Variants in USP34 observed in about 807,000 individuals in gnomAD.
USP34 encodes ubiquitin carboxyl-terminal hydrolase 34.
A neutral mutation model predicts 460.3 loss-of-function variants in USP34; 70 were observed. That is an observed-to-expected ratio of 0.15 (90% CI 0.13 to 0.19). The LOEUF is 0.19. USP34 is among the 10% of genes least tolerant of loss of function. USP34 has a pLI of 1.00. For missense variants in USP34, 3,985 were observed against 4,236.2 expected (o/e 0.94, Z 1.65); for synonymous variants, 1,647 against 1,405.3 (o/e 1.17, Z -3.85).
At chr2:61,436,040 T>TA (rs1694804200) in intron 1 of USP34, among the ~76,000 whole-genome samples, 2 of 151,548 alleles carry the variant, frequency 1.3e-5, no homozygotes, top group African/African-American at 2.4e-5. Context: ...AAAATATATA[T>TA]AAAAAATAGA....
chr2:61,351,829 T>G (rs1376934594), intron 10 of USP34, among the ~76,000 whole-genome samples: 1 of 152,148 alleles, frequency 6.6e-6, no homozygotes, highest in Non-Finnish European at 1.5e-5. Flanking sequence ...TTAACACCAC[T>G]AAGTATCCAT....
intron 16 of USP34, 147 bp downstream of exon 16, chr2:61,343,668 G>A (rs1175389473): frequency 1.6e-5 from 12 of 760,844 alleles, no homozygotes; most frequent in Non-Finnish European, 2.3e-5. Flanking sequence ...ATTCCCTTGG[G>A]GGAAAAAAAA....
intron 61 of USP34, among the ~76,000 whole-genome samples, chr2:61,227,798 T>C (rs1687774139): frequency 1.3e-5 from 2 of 152,094 alleles, no homozygotes; most frequent in Admixed American, 1.3e-4. Flanking sequence ...CTTGAATAAC[T>C]TTTTTCTTAT....
At chr2:61,231,429 T>C (rs1325602257) in intron 58 of USP34, among the ~76,000 whole-genome samples, 2 of 152,120 alleles carry the variant, frequency 1.3e-5, no homozygotes, top group African/African-American at 2.4e-5. Context: ...AATTGTAACT[T>C]AGGCCAGGCT....
chr2:61,339,068 G>A (rs981242723), intron 18 of USP34, among the ~76,000 whole-genome samples: 2 of 152,126 alleles, frequency 1.3e-5, no homozygotes, highest in Non-Finnish European at 2.9e-5. Context: ...AATCACCAAG[G>A]TGTCCCCAGA....
At chr2:61,414,273 T>C (rs565819682) in intron 2 of USP34, among the ~76,000 whole-genome samples, 2 of 147,790 alleles carry the variant, frequency 1.4e-5, no homozygotes, top group African/African-American at 2.5e-5. Context: ...TAAATAACTT[T>C]AAAAAAAAAA....
chr2:61,460,613 A>G (rs1027007924), intron 1 of USP34, among the ~76,000 whole-genome samples: 48 of 150,810 alleles, frequency 3.2e-4, no homozygotes, highest in Non-Finnish European at 6.0e-4. Context: ...CTCAGAACAC[A>G]TTCCACTTGG....
intron 75 of USP34, among the ~76,000 whole-genome samples, chr2:61,198,666 C>T (rs904107282): frequency 6.6e-6 from 1 of 151,504 alleles, no homozygotes. Context: ...GTCAGGAGTT[C>T]GAGACCAGCC....
intron 58 of USP34, among the ~76,000 whole-genome samples, chr2:61,230,695 T>G (rs1347882613): frequency 6.6e-6 from 1 of 151,648 alleles, no homozygotes; most frequent in African/African-American, 2.4e-5. Context: ...ATACAAAAAA[T>G]TAGCTGGGCA....
At chr2:61,283,523 T>C (rs1689596893) in intron 35 of USP34, 74 bp from the exon 36 acceptor site, 5 of 1,506,828 alleles carry the variant, frequency 3.3e-6, no homozygotes, top group Admixed American at 4.0e-5. Flanking sequence ...TATTAACATA[T>C]ATCCTTTAAG....
Position 61,223,307 on chromosome 2 carries a change from A to T in USP34, c.7596-11T>A. 6.2e-7 allele frequency: 1 copy of T among 1,612,218 alleles called. No homozygotes were observed. The highest frequency in any genetic ancestry group is 8.5e-7 in the Non-Finnish European group (1 of 1,179,438). ...GATAATGTCAAATGCCTGAAAGAAA[A>T]TATTAGTGGAAATAAGTTTTTCTTC... On this transcript the variant is annotated splice_polypyrimidine_tract_variant and intron_variant, in intron 62 of 79. Transcript: ENST00000398571.
chr2:61,249,776 C>CCCTTT (rs1269758230), intron 48 of USP34: 5 of 155,824 alleles, frequency 3.2e-5, no homozygotes, highest in African/African-American at 9.6e-5. Context: ...GGAATGGGGG[C>CCCTTT]AGTGTTCCAG....
intron 3 of USP34, among the ~76,000 whole-genome samples, chr2:61,401,437 T>C (rs1186583076): frequency 6.6e-6 from 1 of 151,570 alleles, no homozygotes; most frequent in Non-Finnish European, 1.5e-5. Context: ...GAGCTCTTGC[T>C]ATGTTGCCCA....
chr2:61,289,930 C>T (rs945292444), intron 33 of USP34, among the ~76,000 whole-genome samples: 1 of 152,126 alleles, frequency 6.6e-6, no homozygotes, highest in Non-Finnish European at 1.5e-5. Flanking sequence ...CTAAAAGATG[C>T]TGTCAGTATA....
intron 41 of USP34, among the ~76,000 whole-genome samples, chr2:61,268,385 C>A (rs370477496): frequency 2.4e-4 from 34 of 139,134 alleles, no homozygotes; most frequent in East Asian, 2.1e-3. Flanking sequence ...CTGGTACCTA[C>A]CACACAGGAA....
chr2:61,268,178 G>C (rs1405619915), intron 41 of USP34, among the ~76,000 whole-genome samples: 1 of 152,024 alleles, frequency 6.6e-6, no homozygotes, highest in Non-Finnish European at 1.5e-5. Context: ...GATATGGTTT[G>C]GGTATTTGTC....
At chr2:61,340,693 C>T (rs1691568408) in intron 16 of USP34, among the ~76,000 whole-genome samples, 2 of 151,986 alleles carry the variant, frequency 1.3e-5, no homozygotes, top group South Asian at 2.1e-4. Context: ...AGAATCTTTT[C>T]GTATGCTTAT....
chr2:61,195,542 C>T lies in USP34; in HGVS notation c.9509-2562G>A, dbSNP rs557467252. 2.6e-5 allele frequency among the ~76,000 whole-genome samples: 4 copies of T among 151,656 alleles called. No homozygotes were observed. In the East Asian group the frequency reaches 5.9e-4, roughly 23 times the overall value. On this transcript the variant is annotated intron_variant, in intron 75 of 79. Transcript: ENST00000398571. The stretch of plus-strand genomic sequence containing the variant: ...CAAAAATTAGCCAGGCGTGGTGGCA[C>T]GCACCTGTAATCCCAGCTACTCAGG...
At chr2:61,440,815 G>A (rs992799374) in intron 1 of USP34, among the ~76,000 whole-genome samples, 2 of 151,132 alleles carry the variant, frequency 1.3e-5, no homozygotes. Context: ...ACCACACCCG[G>A]CCTACTTTTT....
Sources: gnomAD v4.1 joint callset for allele counts (sites outside exome capture counted in the v4.1 genomes callset) on GRCh38, gnomAD v4.1.1 for gene constraint, MANE v1.5 for transcripts, NCBI Gene and HGNC (gene_info 2026-07-23, HGNC 2026-07-21) for gene names.